The following ACER3 variants were observed in gnomAD, a reference collection of about 807,000 sequenced individuals.
ACER3 encodes alkCDase 3.
Under a neutral mutation model 48.9 loss-of-function variants are expected in ACER3, and 16 were observed. The ratio of observed to expected loss-of-function variants is 0.33; its 90% CI spans 0.22 to 0.50. ACER3 has a LOEUF of 0.50. Among genes scored for constraint, ACER3 ranks in the 20% least tolerant of loss-of-function variants. ACER3 has a pLI of 0.98. For synonymous variants in ACER3, 109 were observed against 107.8 expected, an observed-to-expected ratio of 1.01 and a Z score of -0.07; for missense variants, 227 against 326.0, an observed-to-expected ratio of 0.70 and a Z score of 2.34.
intron 2 of ACER3, among the ~76,000 whole-genome samples, chr11:76,935,958 A>G (rs1947170084): frequency 6.6e-6 from 1 of 152,226 alleles, no homozygotes; most frequent in African/African-American, 2.4e-5. Context: ...CCATCCAGTC[A>G]TGAGTACTGA....
chr11:76,945,725 C>T (rs1312508745), intron 2 of ACER3, among the ~76,000 whole-genome samples: 2 of 152,176 alleles, frequency 1.3e-5, no homozygotes, highest in Non-Finnish European at 2.9e-5. Flanking sequence ...GGAAGTACAG[C>T]TTCCAGGTAT....
chr11:76,951,393 A>G (rs1049992451), intron 2 of ACER3, among the ~76,000 whole-genome samples: 2 of 152,238 alleles, frequency 1.3e-5, no homozygotes, highest in African/African-American at 2.4e-5. Flanking sequence ...AAACATTTTA[A>G]GAGGCTCACA....
chr11:76,891,389 C>T (rs1475479528), intron 1 of ACER3, among the ~76,000 whole-genome samples: 1 of 152,010 alleles, frequency 6.6e-6, no homozygotes, highest in African/African-American at 2.4e-5. Flanking sequence ...ATCTCTCTCT[C>T]TCATCTTCTG....
intron 1 of ACER3, among the ~76,000 whole-genome samples, chr11:76,899,830 T>C (rs890052427): frequency 1.3e-5 from 2 of 152,174 alleles, no homozygotes; most frequent in Non-Finnish European, 2.9e-5. Flanking sequence ...TTGAATAACA[T>C]AGGGGTTGGG....
At chr11:76,942,244 C>CAGTT (rs1195862247) in intron 2 of ACER3, among the ~76,000 whole-genome samples, 1 of 152,064 alleles carries the variant, frequency 6.6e-6, no homozygotes, top group East Asian at 1.9e-4. Context: ...TGTCTTGTTC[C>CAGTT]AGTTCTTAGA....
chr11:76,954,020 T>G (rs1947763648), intron 2 of ACER3, among the ~76,000 whole-genome samples: 1 of 151,704 alleles, frequency 6.6e-6, no homozygotes, highest in Non-Finnish European at 1.5e-5. Flanking sequence ...CAATCTTGGC[T>G]TACCACAACC....
chr11:76,918,583 G>A (rs1475967245), intron 1 of ACER3, among the ~76,000 whole-genome samples: 2 of 151,788 alleles, frequency 1.3e-5, no homozygotes, highest in Admixed American at 6.6e-5. Context: ...AAGAGTACAT[G>A]TGCAAGTTCA....
At chr11:76,909,037 A>G (rs1400988318) in intron 1 of ACER3, among the ~76,000 whole-genome samples, 1 of 152,260 alleles carries the variant, frequency 6.6e-6, no homozygotes, top group African/African-American at 2.4e-5. Flanking sequence ...TTCCCCATTT[A>G]ATAAATGGTG....
intron 1 of ACER3, among the ~76,000 whole-genome samples, chr11:76,879,936 T>C (rs1446971266): frequency 6.6e-6 from 1 of 152,220 alleles, no homozygotes; most frequent in Non-Finnish European, 1.5e-5. Context: ...CAAGGAAATT[T>C]GTTCATTTCC....
At chr11:76,994,406 AG>A (rs1196072675) in intron 6 of ACER3, among the ~76,000 whole-genome samples, 1 of 152,212 alleles carries the variant, frequency 6.6e-6, no homozygotes, top group Non-Finnish European at 1.5e-5. Flanking sequence ...CTGGGATTAC[AG>A]GCGTGAGCCA....
intron 1 of ACER3, among the ~76,000 whole-genome samples, chr11:76,865,623 C>G (rs925759223): frequency 6.6e-6 from 1 of 151,660 alleles, no homozygotes; most frequent in Non-Finnish European, 1.5e-5. Context: ...ATTCTCGTGC[C>G]TCAGCCACCC....
chr11:76,949,085 G>A (rs1013498798), intron 2 of ACER3, among the ~76,000 whole-genome samples: 3 of 138,546 alleles, frequency 2.2e-5, no homozygotes, highest in South Asian at 2.3e-4. Flanking sequence ...AATGTGTATC[G>A]GAGCATATTT....
At chr11:76,960,054 TA>T (rs1329344754) in intron 3 of ACER3, among the ~76,000 whole-genome samples, 1 of 152,074 alleles carries the variant, frequency 6.6e-6, no homozygotes, top group African/African-American at 2.4e-5. Context: ...GCTACATTTG[TA>T]ATTTAAATTT....
intron 2 of ACER3, among the ~76,000 whole-genome samples, chr11:76,952,139 T>C (rs2138943): frequency 0.2 from 14,194 of 72,548 alleles, 732 homozygotes; most frequent in Middle Eastern, 0.24. Context: ...TATATATATA[T>C]ACACACACAC....
chr11:76,930,005 C>A (rs1198914912), intron 2 of ACER3, among the ~76,000 whole-genome samples: 1 of 150,204 alleles, frequency 6.7e-6, no homozygotes, highest in African/African-American at 2.4e-5. Context: ...GGGAGGATTG[C>A]CTCTTTTTCT....
chr11:76,861,011 GC>G lies in ACER3; in HGVS notation c.39del (p.Thr14ArgfsTer14). 1.3e-6 allele frequency: 2 copies of G among 1,546,734 alleles called. No individual in the cohort carries two copies. Among genetic ancestry groups the G allele is most frequent in the Non-Finnish European group, 1.7e-6 (2 of 1,146,002 alleles). On this transcript the variant is annotated frameshift_variant, in exon 1 of 11. Coordinates refer to ENST00000532485, the MANE Select transcript of ACER3 (RefSeq NM_018367.7). LOFTEE classifies it high-confidence loss of function. ...GCCGCGGACCGAGAGGGCTACTGGG[GC>G]CCCACGACCTCCACGCTGGACTGGT... ...APAADREGYW[G>X]PTTSTLDWCE...
At position 77,025,277 on chromosome 11, in the gene ACER3, C is replaced by T. The variant is rs1949532738; in HGVS notation, c.*4950C>T. The T allele has an allele frequency of 6.6e-6, 1 of 151,606 alleles. No homozygotes were observed. Among genetic ancestry groups the T allele is most frequent in the African/African-American group, 2.4e-5 (1 of 41,232 alleles). The allele number at this position is 151,606 out of a possible 1,614,324, so 9.4% of individuals were successfully genotyped here. Reference sequence around the variant, plus strand: ...CTAAAAGAAAATGATAAAAATGTGTCATAATATCAAAGGGGTCTAGATCAG... The same window carrying T: ...CTAAAAGAAAATGATAAAAATGTGTTATAATATCAAAGGGGTCTAGATCAG... On this transcript the variant is annotated 3_prime_UTR_variant, in exon 11 of 11. Transcript: ENST00000532485.
intron 1 of ACER3, among the ~76,000 whole-genome samples, chr11:76,904,898 G>A (rs540246932): frequency 6.6e-6 from 1 of 151,884 alleles, no homozygotes; most frequent in African/African-American, 2.4e-5. Context: ...TGTTGCCCAG[G>A]CTGGAGTGCA....
At chr11:77,007,205 G>A (rs1169202821) in intron 7 of ACER3, among the ~76,000 whole-genome samples, 2 of 151,258 alleles carry the variant, frequency 1.3e-5, no homozygotes, top group East Asian at 3.9e-4. Flanking sequence ...TTAGGGAATT[G>A]TTGAGTTTTT....
Sources: allele counts gnomAD v4.1 joint callset (sites outside exome capture counted in the v4.1 genomes callset), GRCh38; gene constraint gnomAD v4.1.1; transcripts MANE v1.5; gene names NCBI Gene and HGNC (gene_info 2026-07-23, HGNC 2026-07-21).